The following COG3 variants were observed in gnomAD, a reference collection of about 807,000 sequenced individuals.
COG3 encodes the protein conserved oligomeric Golgi complex subunit 3.
In COG3, 32 loss-of-function variants were observed where a neutral mutation model predicts 114.1. The ratio of observed to expected loss-of-function variants is 0.28; its 90% CI spans 0.21 to 0.38. The LOEUF is 0.38. Among genes scored for constraint, COG3 ranks in the 10% least tolerant of loss-of-function variants. The pLI is 1.00. For synonymous variants in COG3, 352 were observed against 365.7 expected (o/e 0.96, Z 0.43); for missense variants, 813 against 973.2 (o/e 0.84, Z 2.19).
rs192838118 is a variant in COG3, at chr13:45,486,346, G to C, written c.844-149G>C. The C allele has an allele frequency of 2.3e-4, 125 of 537,804 alleles. 1 individual carries two copies. Among genetic ancestry groups the C allele is most frequent in the Admixed American group, 1.2e-3 (40 of 34,614 alleles). 33.3% of individuals were successfully genotyped at this position (537,804 alleles called of 1,614,324 possible). ...GAGACGGGAGACGGGAGACGGGAGA[G>C]GGAGAGGGAGAGGGAGAGGGAGACT... On this transcript the variant is annotated intron_variant, in intron 7 of 22. Coordinates refer to ENST00000349995, the MANE Select transcript of COG3 (RefSeq NM_031431.4).
At chr13:45,473,344 C>T (rs1885645268) in intron 1 of COG3, among the ~76,000 whole-genome samples, 1 of 152,180 alleles carries the variant, frequency 6.6e-6, no homozygotes, top group Admixed American at 6.5e-5. Context: ...GATTATTTGG[C>T]TTTTTGTTAT....
intron 7 of COG3, among the ~76,000 whole-genome samples, chr13:45,484,994 C>CT (rs1886494552): frequency 7.1e-6 from 1 of 141,164 alleles, no homozygotes; most frequent in Admixed American, 7.1e-5. Flanking sequence ...TCTCCCATGT[C>CT]TACTTCCTTC....
intron 19 of COG3, among the ~76,000 whole-genome samples, chr13:45,521,577 G>GCGCACACACA (rs147991863): frequency 1.1e-3 from 167 of 148,482 alleles, no homozygotes; most frequent in African/African-American, 3.7e-3. Context: ...ATACATACGT[G>GCGCACACACA]CACACACACA....
At chr13:45,468,667 C>T (rs1885291978) in intron 1 of COG3, among the ~76,000 whole-genome samples, 2 of 151,570 alleles carry the variant, frequency 1.3e-5, no homozygotes. Context: ...ACCTGCTCAG[C>T]TGGTCAGGCA....
chr13:45,521,544 C>T (rs1872132964), intron 19 of COG3, among the ~76,000 whole-genome samples: 1 of 151,240 alleles, frequency 6.6e-6, no homozygotes, highest in South Asian at 2.1e-4. Flanking sequence ...CATCCTGTGG[C>T]ATAGAGTGAG....
At chr13:45,468,510 T>A (rs1307000126) in intron 1 of COG3, among the ~76,000 whole-genome samples, 1 of 152,188 alleles carries the variant, frequency 6.6e-6, no homozygotes, top group Non-Finnish European at 1.5e-5. Flanking sequence ...ACCTCTTCAG[T>A]AATTTGCTCC....
intron 15 of COG3, 32 bp from the exon 16 acceptor site, chr13:45,511,733 C>G (rs1870891596): frequency 1.3e-6 from 2 of 1,550,668 alleles, no homozygotes; most frequent in Non-Finnish European, 1.8e-6. Context: ...TGTCAAATGC[C>G]ACAGGCTGAT....
At position 45,519,221 on chromosome 13, in the gene COG3, A is replaced by G. The variant is rs573413900; in HGVS notation, c.2154+127A>G. On this transcript the variant is annotated intron_variant, in intron 19 of 22. Coordinates refer to ENST00000349995, the MANE Select transcript of COG3 (RefSeq NM_031431.4). Reference sequence around the variant, plus strand: ...AGCCCAAGTCTTAATGATTCTGTCTAGGAAATCACTGTGTTTCCTATTATG... The same window carrying G: ...AGCCCAAGTCTTAATGATTCTGTCTGGGAAATCACTGTGTTTCCTATTATG... 8 of 1,018,378 alleles carry G rather than the reference A, an allele frequency of 7.9e-6. No individual in the cohort carries two copies. In the South Asian group the frequency reaches 8.0e-5, roughly 10 times the overall value. The allele number at this position is 1,018,378 out of a possible 1,614,324, so 63.1% of individuals were successfully genotyped here. A position where few individuals can be genotyped will look rare whatever the true frequency, so the allele number is the denominator to read the frequency against.
intron 14 of COG3, among the ~76,000 whole-genome samples, chr13:45,504,104 G>A (rs1869854704): frequency 6.6e-6 from 1 of 152,120 alleles, no homozygotes; most frequent in Non-Finnish European, 1.5e-5. Flanking sequence ...TGGCCCTAAA[G>A]CGTAGCTCCC....
chr13:45,474,806 C>G (rs1885754750), intron 1 of COG3, among the ~76,000 whole-genome samples: 1 of 152,140 alleles, frequency 6.6e-6, no homozygotes, highest in African/African-American at 2.4e-5. Context: ...CTTCCTGAGA[C>G]CTTGGATCTT....
At chr13:45,489,594 G>A (rs1439484927) in intron 8 of COG3, among the ~76,000 whole-genome samples, 1 of 152,006 alleles carries the variant, frequency 6.6e-6, no homozygotes, top group African/African-American at 2.4e-5. Flanking sequence ...ATATGTGATG[G>A]GGTCCCATTT....
At chr13:45,466,620 G>A (rs1885156251) in intron 1 of COG3, 1 of 152,158 alleles carries the variant, frequency 6.6e-6, no homozygotes, top group Admixed American at 6.5e-5. Context: ...AAAGTTGTTT[G>A]CTCTATAAAT....
intron 14 of COG3, among the ~76,000 whole-genome samples, chr13:45,506,870 C>A (rs1045915254): frequency 3.9e-5 from 6 of 152,192 alleles, no homozygotes; most frequent in Admixed American, 3.3e-4. Context: ...GGTGTCAGGG[C>A]AGATTGGTGG....
intron 16 of COG3, 47 bp downstream of exon 16, chr13:45,511,901 T>A: frequency 7.1e-7 from 1 of 1,415,974 alleles, no homozygotes; most frequent in Non-Finnish European, 1.0e-6. Context: ...TAAAATATTG[T>A]GGAATATAGC....
At chr13:45,465,385 T>A in intron 1 of COG3, 175 bp downstream of exon 1, 1 of 1,111,088 alleles carries the variant, frequency 9.0e-7, no homozygotes, top group South Asian at 1.7e-5. Context: ...GGCTTCGCTC[T>A]GCCTGCGACC....
chr13:45,511,699 T>C lies in COG3; in HGVS notation c.1720-66T>C, dbSNP rs937742862. The C allele has an allele frequency of 5.0e-6, 6 of 1,204,360 alleles. No homozygotes were observed. The African/African-American group carries it at 7.5e-5, about 15-fold the overall frequency. The allele number at this position is 1,204,360 out of a possible 1,614,324, so 74.6% of individuals were successfully genotyped here. A position where few individuals can be genotyped will look rare whatever the true frequency, so the allele number is the denominator to read the frequency against. The stretch of plus-strand genomic sequence containing the variant: ...GGCATTGTTATTTGCACTTACAGCC[T>C]AGGATATTCCTTTTTTTTTGTTTTG... On this transcript the variant is annotated intron_variant, in intron 15 of 22. Transcript: ENST00000349995.
intron 6 of COG3, among the ~76,000 whole-genome samples, chr13:45,482,970 A>G (rs1457855444): frequency 6.6e-6 from 1 of 152,178 alleles, no homozygotes; most frequent in Admixed American, 6.5e-5. Context: ...TTAGCCTTGA[A>G]GTCTGTGGGG....
chr13:45,509,665 G>A lies in COG3; in HGVS notation c.1595-27G>A, dbSNP rs377763751. The A allele has an allele frequency of 1.6e-5, 26 of 1,610,638 alleles. No homozygotes were observed. In the Admixed American group the frequency reaches 1.8e-4, roughly 11 times the overall value. On this transcript the variant is annotated intron_variant, in intron 14 of 22. Transcript: ENST00000349995. Reference sequence around the variant, plus strand: ...AGACAAATATCCACATGTGTGAAATGTGTCTTCTTTTCCACTTGGGTTTTA... The same window carrying A: ...AGACAAATATCCACATGTGTGAAATATGTCTTCTTTTCCACTTGGGTTTTA...
chr13:45,503,926 G>C (rs1384466338), intron 14 of COG3, among the ~76,000 whole-genome samples: 1 of 152,008 alleles, frequency 6.6e-6, no homozygotes, highest in Admixed American at 6.6e-5. Flanking sequence ...TGAGTGTCTG[G>C]GACTGGAGTA....
Sources: allele counts gnomAD v4.1 joint callset (sites outside exome capture counted in the v4.1 genomes callset), GRCh38; gene constraint gnomAD v4.1.1; transcripts MANE v1.5; gene names NCBI Gene and HGNC (gene_info 2026-07-23, HGNC 2026-07-21).